DOP1A: variants seen among roughly 807,000 people sequenced by gnomAD.
DOP1A encodes protein DOP1A.
In DOP1A, 90 loss-of-function variants were observed where a neutral mutation model predicts 267.6. That is an observed-to-expected ratio of 0.34 (90% CI 0.28 to 0.40). The LOEUF is 0.40. Among genes scored for constraint, DOP1A ranks in the 10% least tolerant of loss-of-function variants. The pLI, the probability that DOP1A is intolerant of heterozygous loss-of-function variation, is 1.00. For synonymous variants in DOP1A, 932 were observed against 999.1 expected (o/e 0.93, Z 1.27); for missense variants, 2,437 against 2,900.4 (o/e 0.84, Z 3.67).
intron 37 of DOP1A, among the ~76,000 whole-genome samples, chr6:83,160,540 A>G (rs945446929): frequency 6.6e-6 from 1 of 152,190 alleles, no homozygotes; most frequent in African/African-American, 2.4e-5. Context: ...GAATTTTAGA[A>G]TGCTTATTTT....
In DOP1A at chr6:83,145,514, T is replaced by G. The variant is rs1780509208; in HGVS notation, c.5542-10T>G. On this transcript the variant is annotated splice_polypyrimidine_tract_variant and intron_variant, in intron 24 of 38. Coordinates refer to ENST00000349129, the MANE Select transcript of DOP1A (RefSeq NM_015018.4). ...ACATACATACATACATACAATGATT[T>G]ATTACCTAGGTCATTCCTGCAGCCA... 6.3e-7 allele frequency: 1 copy of G among 1,575,388 alleles called. No homozygotes were observed. The highest frequency in any genetic ancestry group is 1.4e-5 in the African/African-American group (1 of 73,228).
Position 83,134,618 on chromosome 6 carries a change from A to C in DOP1A, c.2870+331A>C, listed in dbSNP as rs142260000. The C allele has an allele frequency of 8.1e-4, 147 of 181,188 alleles. 1 individual carries two copies. Among genetic ancestry groups the C allele is most frequent in the African/African-American group, 3.2e-3 (138 of 42,742 alleles). 11.2% of individuals were successfully genotyped at this position (181,188 alleles called of 1,614,324 possible). ...TTTAGTGAAACTGCATATAGATAGT[A>C]GATTATGTGTTTCTCAAGCAATTAT... On this transcript the variant is annotated intron_variant, in intron 19 of 38. Transcript: ENST00000349129.
chr6:83,143,939 G>C (rs1450832858), intron 24 of DOP1A, among the ~76,000 whole-genome samples: 3 of 152,156 alleles, frequency 2.0e-5, no homozygotes, highest in Non-Finnish European at 2.9e-5. Flanking sequence ...ATAAAGAAGA[G>C]ATCCTAAAAG....
At chr6:83,069,348 C>G (rs1439832931) in intron 1 of DOP1A, among the ~76,000 whole-genome samples, 2 of 152,166 alleles carry the variant, frequency 1.3e-5, no homozygotes, top group East Asian at 3.8e-4. Flanking sequence ...CTTATAAAGG[C>G]AGGACTCTTC....
chr6:83,149,083 G>A (rs1781093503), intron 27 of DOP1A, among the ~76,000 whole-genome samples: 1 of 151,396 alleles, frequency 6.6e-6, no homozygotes, highest in South Asian at 2.1e-4. Flanking sequence ...TATACAAAAT[G>A]TAACTACACT....
At chr6:83,073,878 A>C (rs1406705495) in intron 1 of DOP1A, among the ~76,000 whole-genome samples, 1 of 152,214 alleles carries the variant, frequency 6.6e-6, no homozygotes, top group African/African-American at 2.4e-5. Context: ...ATAGAGGCCA[A>C]CTTGCCCCAG....
At chr6:83,131,770 G>A (rs754943022) in intron 17 of DOP1A, among the ~76,000 whole-genome samples, 1 of 152,000 alleles carries the variant, frequency 6.6e-6, no homozygotes, top group Non-Finnish European at 1.5e-5. Flanking sequence ...CGAGTAGCTG[G>A]GATTACAGGT....
At chr6:83,146,263 A>G (rs1372980003) in intron 25 of DOP1A, among the ~76,000 whole-genome samples, 2 of 152,224 alleles carry the variant, frequency 1.3e-5, no homozygotes, top group Non-Finnish European at 2.9e-5. Flanking sequence ...CCAAGAGGTC[A>G]TATTTTCCCA....
Position 83,167,985 on chromosome 6 carries a change from G to T in DOP1A, c.7216G>T (p.Val2406Phe). The T allele has an allele frequency of 6.2e-7, 1 of 1,614,154 alleles. No homozygotes were observed. ...LLPFFNVLSQ[V>F]FNSKVTSRCG... ...GCCGTTCTTCAATGTGCTCAGTCAA[G>T]TCTTCAACAGCAAAGTCACAAGCCG... The change falls in exon 39 of 39, where the codon GTC becomes TTC. Residue 2406 changes from valine (V) to phenylalanine (F), a missense_variant. Around this residue, in one of 9 missense-constraint regions of DOP1A, gnomAD observed 197 missense variants for 246.5 expected, o/e 0.80. Transcript: ENST00000349129.
intron 1 of DOP1A, among the ~76,000 whole-genome samples, chr6:83,074,861 A>G (rs946072827): frequency 1.3e-5 from 2 of 152,230 alleles, no homozygotes; most frequent in Admixed American, 6.5e-5. Context: ...GCTTGAGCCC[A>G]GCAATGCTAA....
At chr6:83,124,660 C>A in intron 12 of DOP1A, 45 bp from the exon 13 acceptor site, 1 of 1,365,184 alleles carries the variant, frequency 7.3e-7, no homozygotes, top group Non-Finnish European at 1.0e-6. Context: ...CAGGTATTCA[C>A]ATCACTTGAC....
chr6:83,145,219 T>TA (rs1780424541), intron 24 of DOP1A, among the ~76,000 whole-genome samples: 1 of 74,646 alleles, frequency 1.3e-5, no homozygotes, highest in East Asian at 3.4e-4. Flanking sequence ...TATATATATA[T>TA]ATAATATATA....
At chr6:83,157,098 T>C in intron 34 of DOP1A, 84 bp from the exon 35 acceptor site, 1 of 1,363,022 alleles carries the variant, frequency 7.3e-7, no homozygotes, top group Non-Finnish European at 1.0e-6. Context: ...CTACAGATAG[T>C]TTGAGAGTAC....
chr6:83,146,646 A>G lies in DOP1A; in HGVS notation c.5677-590A>G, dbSNP rs533921147. On this transcript the variant is annotated intron_variant, in intron 25 of 38. Coordinates refer to ENST00000349129, the MANE Select transcript of DOP1A (RefSeq NM_015018.4). Reference sequence around the variant, plus strand: ...TTTTTGGACAGGAAACCTTCAAGGAAATAGTTGGGACTAAAAAAGCACAAA... The same window carrying G: ...TTTTTGGACAGGAAACCTTCAAGGAGATAGTTGGGACTAAAAAAGCACAAA... 1.4e-3 allele frequency among the ~76,000 whole-genome samples: 210 copies of G among 152,298 alleles called. 2 individuals carry two copies. The highest frequency in any genetic ancestry group is 4.9e-3 in the African/African-American group (203 of 41,564).
chr6:83,131,687 G>A (rs758222587), intron 17 of DOP1A, among the ~76,000 whole-genome samples: 12 of 151,626 alleles, frequency 7.9e-5, no homozygotes, highest in South Asian at 6.2e-4. Context: ...ATGGAGTCTC[G>A]TTCTGTCGCG....
intron 11 of DOP1A, 116 bp from the exon 12 acceptor site, chr6:83,122,747 C>A: frequency 1.5e-6 from 1 of 678,594 alleles, no homozygotes; most frequent in Non-Finnish European, 2.2e-6. Flanking sequence ...AATCTTCTTA[C>A]TAGCACATTT....
At chr6:83,135,485 T>C in intron 19 of DOP1A, 134 bp from the exon 20 acceptor site, 1 of 1,005,016 alleles carries the variant, frequency 1.0e-6, no homozygotes, top group Non-Finnish European at 1.4e-6. Flanking sequence ...AATACTATGA[T>C]CAAAATTTAT....
intron 1 of DOP1A, among the ~76,000 whole-genome samples, chr6:83,081,557 TA>T (rs926175609): frequency 2.7e-5 from 4 of 150,748 alleles, no homozygotes; most frequent in Admixed American, 2.0e-4. Flanking sequence ...TCTTGGGTTA[TA>T]AAAAAAAATA....
In DOP1A at chr6:83,145,526, C is replaced by A; in HGVS notation, c.5544C>A (p.Val1848=). The A allele has an allele frequency of 6.3e-7, 1 of 1,589,284 alleles. No individual in the cohort carries two copies. Among genetic ancestry groups the A allele is most frequent in the South Asian group, 1.1e-5 (1 of 87,884 alleles). The change falls in exon 25 of 39, where the codon GTC becomes GTA. Residue 1848 remains valine (V), a splice_region_variant and synonymous_variant. Coordinates refer to ENST00000349129, the MANE Select transcript of DOP1A (RefSeq NM_015018.4). ...ACATACAATGATTTATTACCTAGGTCATTCCTGCAGCCAGTGAAGAACAGC... is the reference window on the plus strand; with the variant it reads ...ACATACAATGATTTATTACCTAGGTAATTCCTGCAGCCAGTGAAGAACAGC... ...RQNKTTTRTK[V]IPAASEEQLL...
Sources: gnomAD v4.1 joint callset for allele counts (sites outside exome capture counted in the v4.1 genomes callset) on GRCh38, gnomAD v4.1.1 for gene constraint, gnomAD v4.1.1 regional missense constraint, MANE v1.5 for transcripts, NCBI Gene and HGNC (gene_info 2026-07-23, HGNC 2026-07-21) for gene names.